MIPOL1: variants seen among roughly 807,000 people sequenced by gnomAD.
MIPOL1 encodes the protein mirror-image polydactyly 1.
Under a neutral mutation model 60.9 loss-of-function variants are expected in MIPOL1, and 57 were observed. The observed-to-expected ratio is 0.94, with a 90% confidence interval of 0.76 to 1.17. MIPOL1 has a LOEUF of 1.17. MIPOL1 is among the 50% of genes most tolerant of loss of function. MIPOL1 has a pLI of 0.00. For missense variants in MIPOL1, 551 were observed against 511.6 expected (o/e 1.08, Z -0.74); for synonymous variants, 179 against 168.8 (o/e 1.06, Z -0.47).
intron 11 of MIPOL1, among the ~76,000 whole-genome samples, chr14:37,498,055 A>C (rs1193634152): frequency 6.6e-6 from 1 of 152,244 alleles, no homozygotes; most frequent in Admixed American, 6.5e-5. Context: ...TTTTATAGCA[A>C]TAAAAAGCAA....
chr14:37,454,164 G>A (rs1026149428), intron 11 of MIPOL1, among the ~76,000 whole-genome samples: 3 of 152,146 alleles, frequency 2.0e-5, no homozygotes, highest in Admixed American at 6.5e-5. Flanking sequence ...TCATGGAGTC[G>A]TGTTTTATAT....
intron 11 of MIPOL1, chr14:37,434,378 T>C (rs1003350867): frequency 6.6e-6 from 1 of 152,188 alleles, no homozygotes; most frequent in Non-Finnish European, 1.5e-5. Flanking sequence ...TTTGATGAGG[T>C]TGTTTTTTTT....
intron 11 of MIPOL1, among the ~76,000 whole-genome samples, chr14:37,478,355 C>A (rs561173207): frequency 6.6e-6 from 1 of 152,082 alleles, no homozygotes; most frequent in East Asian, 1.9e-4. Flanking sequence ...GTTGCAGAAA[C>A]AGAAAAAGAA....
chr14:37,396,493 G>C (rs891179174), intron 10 of MIPOL1, among the ~76,000 whole-genome samples: 1 of 152,048 alleles, frequency 6.6e-6, no homozygotes, highest in East Asian at 1.9e-4. Context: ...GATGTTCCTT[G>C]TGCTTCTTGT....
chr14:37,468,816 A>G (rs2094636409), intron 11 of MIPOL1, among the ~76,000 whole-genome samples: 1 of 152,190 alleles, frequency 6.6e-6, no homozygotes, highest in South Asian at 2.1e-4. Context: ...TCTCCTATCC[A>G]AGCTGAGATC....
intron 11 of MIPOL1, among the ~76,000 whole-genome samples, chr14:37,426,594 T>TACAC (rs1555339854): frequency 4.8e-5 from 6 of 125,416 alleles, no homozygotes; most frequent in African/African-American, 8.9e-5. Context: ...TATATATATA[T>TACAC]ACACACACAC....
chr14:37,297,662 C>T (rs1225864399), intron 7 of MIPOL1, among the ~76,000 whole-genome samples: 1 of 151,900 alleles, frequency 6.6e-6, no homozygotes, highest in Non-Finnish European at 1.5e-5. Flanking sequence ...ACACCAATAA[C>T]AGACAAACAG....
At chr14:37,230,223 T>C (rs547592150) in intron 1 of MIPOL1, among the ~76,000 whole-genome samples, 11 of 152,178 alleles carry the variant, frequency 7.2e-5, no homozygotes, top group Non-Finnish European at 1.5e-4. Flanking sequence ...AAATCATTAT[T>C]AAGAGGTGAA....
chr14:37,386,582 C>T (rs930559120), intron 10 of MIPOL1, among the ~76,000 whole-genome samples: 3 of 151,866 alleles, frequency 2.0e-5, no homozygotes, highest in Non-Finnish European at 4.4e-5. Flanking sequence ...CAGAAATTTG[C>T]ATAGAATTCA....
intron 11 of MIPOL1, among the ~76,000 whole-genome samples, chr14:37,497,567 A>G (rs1057470744): frequency 1.3e-5 from 2 of 152,206 alleles, no homozygotes; most frequent in Non-Finnish European, 2.9e-5. Context: ...AGAGTCAGGC[A>G]TGGTGGCATA....
chr14:37,460,540 A>G (rs2094527732), intron 11 of MIPOL1, among the ~76,000 whole-genome samples: 1 of 152,222 alleles, frequency 6.6e-6, no homozygotes, highest in South Asian at 2.1e-4. Context: ...AATAGAAGGC[A>G]TCCAAATTGG....
intron 10 of MIPOL1, among the ~76,000 whole-genome samples, chr14:37,405,213 G>A (rs183182381): frequency 6.6e-6 from 1 of 152,264 alleles, no homozygotes; most frequent in Admixed American, 6.5e-5. Flanking sequence ...CCTAGGCTGT[G>A]CTGCTGTTGT....
intron 10 of MIPOL1, among the ~76,000 whole-genome samples, chr14:37,409,644 G>C (rs1160165696): frequency 2.0e-5 from 3 of 152,056 alleles, no homozygotes; most frequent in Non-Finnish European, 4.4e-5. Flanking sequence ...AAATTAGCTG[G>C]GTGTGGTGGC....
At chr14:37,279,527 T>G (rs2083928484) in intron 6 of MIPOL1, among the ~76,000 whole-genome samples, 1 of 152,022 alleles carries the variant, frequency 6.6e-6, no homozygotes. Context: ...GAATCAGGAT[T>G]TTTTATAACC....
intron 11 of MIPOL1, among the ~76,000 whole-genome samples, chr14:37,472,825 C>G (rs999947955): frequency 1.3e-5 from 2 of 152,160 alleles, no homozygotes; most frequent in Non-Finnish European, 2.9e-5. Flanking sequence ...TTTCTTCTCA[C>G]TTCCTGCCCA....
chr14:37,364,242 G>A (rs531323782), intron 9 of MIPOL1, among the ~76,000 whole-genome samples: 16 of 152,302 alleles, frequency 1.1e-4, no homozygotes, highest in South Asian at 1.0e-3. Context: ...CTGCAGACTG[G>A]AGCTGTTCCT....
At chr14:37,216,394 T>G (rs1247616484) in intron 1 of MIPOL1, among the ~76,000 whole-genome samples, 1 of 151,572 alleles carries the variant, frequency 6.6e-6, no homozygotes, top group Non-Finnish European at 1.5e-5. Flanking sequence ...AAAATCAACT[T>G]GGAAACATCA....
intron 12 of MIPOL1, among the ~76,000 whole-genome samples, chr14:37,539,201 CA>C (rs915536578): frequency 1.3e-4 from 19 of 150,124 alleles, no homozygotes; most frequent in Admixed American, 1.2e-3. Context: ...GACTCCGTCT[CA>C]AAAAAAATAA....
chr14:37,512,554 C>T (rs1022757631), intron 12 of MIPOL1, among the ~76,000 whole-genome samples: 3 of 150,300 alleles, frequency 2.0e-5, no homozygotes, highest in African/African-American at 4.9e-5. Context: ...CTCCAGAATC[C>T]GATTTTATCC....
Sources: allele counts gnomAD v4.1 joint callset (sites outside exome capture counted in the v4.1 genomes callset), GRCh38; gene constraint gnomAD v4.1.1; transcripts MANE v1.5; gene names NCBI Gene and HGNC (gene_info 2026-07-23, HGNC 2026-07-21).